The following BRWD1 variants were observed in gnomAD, a reference collection of about 807,000 sequenced individuals.
The protein encoded by BRWD1 is bromodomain and WD repeat domain containing 1, also known as bromodomain and WD repeat-containing protein 1.
Under a neutral mutation model 251.2 loss-of-function variants are expected in BRWD1, and 82 were observed. The observed-to-expected ratio is 0.33, with a 90% CI of 0.27 to 0.39. BRWD1 has a LOEUF of 0.39. BRWD1 is among the 10% of genes least tolerant of loss of function. The probability of loss-of-function intolerance (pLI) is 1.00; values close to 1 mark genes in which losing one functional copy is unlikely to be tolerated. For synonymous variants in BRWD1, 918 were observed against 902.8 expected (o/e 1.02, Z -0.30); for missense variants, 2,233 against 2,711.6 (o/e 0.82, Z 3.92).
At chr21:39,235,201 A>G (rs1196537227) in intron 23 of BRWD1, among the ~76,000 whole-genome samples, 1 of 152,220 alleles carries the variant, frequency 6.6e-6, no homozygotes, top group African/African-American at 2.4e-5. Flanking sequence ...GTGAGCCAAG[A>G]TTGCACCACT....
intron 4 of BRWD1, among the ~76,000 whole-genome samples, chr21:39,301,418 CT>C (rs2036108710): frequency 6.6e-6 from 1 of 152,144 alleles, no homozygotes; most frequent in Non-Finnish European, 1.5e-5. Flanking sequence ...AGCTATCACA[CT>C]GGAAAGACCA....
chr21:39,295,662 A>G, intron 7 of BRWD1, 81 bp downstream of exon 7: 1 of 1,174,016 alleles, frequency 8.5e-7, no homozygotes, highest in East Asian at 2.6e-5. Flanking sequence ...TGGGAAACAG[A>G]AACTAAGATT....
chr21:39,310,417 TC>T (rs1233008761), intron 4 of BRWD1, among the ~76,000 whole-genome samples: 2 of 152,088 alleles, frequency 1.3e-5, no homozygotes, highest in African/African-American at 4.8e-5. Context: ...GGCAGGCAGA[TC>T]ACCTGAAGTC....
chr21:39,277,452 TA>T lies in BRWD1; in HGVS notation c.1004-102del, dbSNP rs568793060. The stretch of plus-strand genomic sequence containing the variant: ...TATAAAAAAGAAAGATCATTTACCC[TA>T]AAACTAAGTTTATCTCAACAGTTAC... On this transcript the variant is annotated intron_variant, in intron 10 of 40. Transcript: ENST00000342449. 170 of 713,108 alleles carry T rather than the reference TA, an allele frequency of 2.4e-4. 2 individuals carry two copies. In the African/African-American group the frequency reaches 2.9e-3, roughly 12 times the overall value. 44.2% of individuals were successfully genotyped at this position (713,108 alleles called of 1,614,324 possible).
At chr21:39,235,906 C>G (rs1260875409) in intron 23 of BRWD1, 1 of 177,158 alleles carries the variant, frequency 5.6e-6, no homozygotes, top group Non-Finnish European at 1.2e-5. Context: ...GTGGCAATTC[C>G]CAGTTGTCTC....
At chr21:39,290,503 A>G (rs1399979541) in intron 8 of BRWD1, among the ~76,000 whole-genome samples, 1 of 152,010 alleles carries the variant, frequency 6.6e-6, no homozygotes, top group Non-Finnish European at 1.5e-5. Flanking sequence ...AAAAAAAAAA[A>G]AAAAATGTAC....
chr21:39,196,760 G>C lies in BRWD1; in HGVS notation c.6309C>G (p.Thr2103=), dbSNP rs143446666. 1 of 1,613,210 alleles carries C rather than the reference G, an allele frequency of 6.2e-7. No individual in the cohort carries two copies. The highest frequency in any genetic ancestry group is 1.3e-5 in the African/African-American group (1 of 74,878). ...LRRWNGRRLR[T]YGKAPFSKTK... ...TCTTACTAAAAGGAGCCTTTCCATA[G>C]GTCCTGAGTCTTCTGCCATTCCACC... The change falls in exon 41 of 41, where the codon ACC becomes ACG. Residue 2103 remains threonine, a synonymous_variant. Transcript: ENST00000342449.
At chr21:39,316,138 G>A (rs772057418), upstream of BRWD1, among the ~76,000 whole-genome samples, 1 of 152,124 alleles carries the variant, frequency 6.6e-6, no homozygotes, top group East Asian at 1.9e-4. Flanking sequence ...AAGACCAAGA[G>A]GCACTTAACA....
intron 4 of BRWD1, among the ~76,000 whole-genome samples, chr21:39,305,358 A>G (rs115133240): frequency 6.8e-4 from 103 of 152,298 alleles, no homozygotes; most frequent in African/African-American, 2.3e-3. Flanking sequence ...AAGTCACTCA[A>G]CTTTTATCCC....
At position 39,257,168 on chromosome 21, in the gene BRWD1, A is replaced by C. The variant is rs1056218645; in HGVS notation, c.2071+1319T>G. ...GCCCATAAAGAGATTAGAAAGGTTA[A>C]TTACTCCACACAGAGGAGTAGTATG... On this transcript the variant is annotated intron_variant, in intron 18 of 40. Coordinates refer to ENST00000342449, the MANE Select transcript of BRWD1 (RefSeq NM_033656.4). Among the ~76,000 whole-genome samples the C allele has an allele frequency of 7.3e-5, 11 of 151,644 alleles. No homozygotes were observed. In the South Asian group the frequency reaches 1.5e-3, roughly 20 times the overall value.
chr21:39,210,299 A>G (rs1457650199), intron 35 of BRWD1, 152 bp from the exon 36 acceptor site: 7 of 641,830 alleles, frequency 1.1e-5, no homozygotes, highest in African/African-American at 1.8e-5. Context: ...AAAGAGGTAT[A>G]AAAACAAAGA....
At chr21:39,276,234 A>G in intron 11 of BRWD1, 21 bp from the exon 12 acceptor site, 9 of 1,578,638 alleles carry the variant, frequency 5.7e-6, no homozygotes, top group Non-Finnish European at 7.8e-6. Context: ...GAAAAGGACA[A>G]ATACAAAAAT....
chr21:39,258,425 T>G, intron 18 of BRWD1, 62 bp downstream of exon 18: 11 of 1,347,226 alleles, frequency 8.2e-6, no homozygotes, highest in Non-Finnish European at 9.9e-6. Flanking sequence ...GACAAAGACT[T>G]CGTTTACTCT....
At chr21:39,246,270 T>C (rs189633476) in intron 21 of BRWD1, among the ~76,000 whole-genome samples, 30 of 152,164 alleles carry the variant, frequency 2.0e-4, no homozygotes, top group African/African-American at 7.2e-4. Context: ...TCAAACATGT[T>C]CAACATTACT....
chr21:39,276,201 T>A lies in BRWD1; in HGVS notation c.1117A>T (p.Ser373Cys). Residue 373 changes from serine (S) to cysteine (C), a missense_variant, in exon 12 of 41, where the codon AGT (serine) becomes TGT (cysteine). Around this residue, in one of 12 missense-constraint regions of BRWD1, gnomAD observed 315 missense variants for 421.8 expected, o/e 0.75. Coordinates refer to ENST00000342449, the MANE Select transcript of BRWD1 (RefSeq NM_033656.4). The stretch of plus-strand genomic sequence containing the variant: ...TCACCATTGTTACAAAATTGGATAC[T>A]ATCTACTTTATCCTAAAGGGGGGAA... The part of the protein sequence containing the change: ...ELESHTDKVD[S>C]IQFCNNGDRF... 1 of 1,605,718 alleles carries A rather than the reference T, an allele frequency of 6.2e-7. No homozygotes were observed. Among genetic ancestry groups the A allele is most frequent in the Non-Finnish European group, 8.5e-7 (1 of 1,174,582 alleles).
intron 17 of BRWD1, among the ~76,000 whole-genome samples, chr21:39,263,707 G>A (rs1224339242): frequency 1.3e-5 from 2 of 152,100 alleles, no homozygotes; most frequent in African/African-American, 4.8e-5. Context: ...AACCGATTCA[G>A]GCAAAACTCA....
Position 39,189,267 on chromosome 21 carries a change from G to C in BRWD1, c.*6992C>G. 1.0e-6 allele frequency: 1 copy of C among 983,942 alleles called. No individual in the cohort carries two copies. Among genetic ancestry groups the C allele is most frequent in the Non-Finnish European group, 1.2e-6 (1 of 828,660 alleles). The allele number at this position is 983,942 out of a possible 1,614,324, so 61.0% of individuals were successfully genotyped here. ...TTTGGAAGAAAAGAACAGATAACTG[G>C]TTCATTCCCAACAACCTATTCATCC... On this transcript the variant is annotated 3_prime_UTR_variant, in exon 41 of 41. Transcript: ENST00000342449.
intron 21 of BRWD1, among the ~76,000 whole-genome samples, chr21:39,244,401 C>T (rs777046335): frequency 2.0e-5 from 3 of 151,866 alleles, no homozygotes; most frequent in Admixed American, 6.6e-5. Context: ...GGGAAAGTTA[C>T]TGAACCTCCA....
At chr21:39,313,354 G>GCCCGGGGA in intron 1 of BRWD1, 55 bp from the exon 2 acceptor site, 3 of 1,466,328 alleles carry the variant, frequency 2.0e-6, no homozygotes, top group East Asian at 2.8e-5. Context: ...AGGGGGACGG[G>GCCCGGGGA]GCCAGGGGAG....
Sources: allele counts gnomAD v4.1 joint callset (sites outside exome capture counted in the v4.1 genomes callset), GRCh38; gene constraint gnomAD v4.1.1; regional missense constraint gnomAD v4.1.1; transcripts MANE v1.5; gene names NCBI Gene and HGNC (gene_info 2026-07-23, HGNC 2026-07-21).